SHISA4: variants seen among roughly 807,000 people sequenced by gnomAD.
SHISA4 encodes shisa family member 4.
Under a neutral mutation model 24.2 loss-of-function variants are expected in SHISA4, and 16 were observed. The observed-to-expected ratio is 0.66, with a 90% CI of 0.45 to 1.00. SHISA4 has a LOEUF of 1.00. Among genes scored for constraint, SHISA4 ranks in the 50% least tolerant of loss-of-function variants. The pLI is 0.00. For missense variants in SHISA4, 238 were observed against 258.9 expected, an observed-to-expected ratio of 0.92 and a Z score of 0.55; for synonymous variants, 106 against 105.4, an observed-to-expected ratio of 1.01 and a Z score of -0.04.
chr1:201,891,601 C>T (rs1379714841), intron 4 of SHISA4, 33 bp downstream of exon 4: 2 of 1,586,682 alleles, frequency 1.3e-6, no homozygotes, highest in Admixed American at 1.7e-5. Context: ...CTTGCTGCTG[C>T]CTTCCCCCAC....
rs766109942 is a variant in SHISA4 at position 201,891,464 on chromosome 1, A to C, written c.443A>C (p.Lys148Thr). ...GTATACCCATACCCCCAGGACCCCA[A>C]AGCTGGCCCTGCACCCCCACAGCCT... ...QPVYPYPQDP[K>T]AGPAPPQPGF... Residue 148 changes from lysine to threonine, a missense_variant, in exon 4 of 5, where the codon AAA becomes ACA. By Grantham distance (78) the Lys-to-Thr change is moderately conservative. Coordinates refer to ENST00000362011, the MANE Select transcript of SHISA4 (RefSeq NM_198149.3). 8.7e-6 allele frequency: 14 copies of C among 1,613,570 alleles called. No individual in the cohort carries two copies. The East Asian group carries it at 3.1e-4, about 36-fold the overall frequency.
intron 2 of SHISA4, among the ~76,000 whole-genome samples, chr1:201,890,116 A>G (rs1196930723): frequency 6.6e-6 from 1 of 152,170 alleles, no homozygotes; most frequent in African/African-American, 2.4e-5. Flanking sequence ...GAGACTTCTG[A>G]TTGAAGCGGG....
chr1:201,889,682 C>T (rs1681056482), intron 2 of SHISA4, 66 bp downstream of exon 2: 11 of 1,559,358 alleles, frequency 7.1e-6, no homozygotes, highest in Non-Finnish European at 9.7e-6. Context: ...TCCTCTTCCT[C>T]CCTCCCGGAC....
At chr1:201,891,670 T>A in intron 4 of SHISA4, 102 bp downstream of exon 4, 2 of 1,534,592 alleles carry the variant, frequency 1.3e-6, no homozygotes, top group Non-Finnish European at 9.0e-7. Flanking sequence ...CTCCCAGACT[T>A]CCTCCACCTC....
At chr1:201,888,709 C>T (rs1011160406), upstream of SHISA4, 1 of 334,226 alleles carries the variant, frequency 3.0e-6, no homozygotes, top group East Asian at 4.5e-5. Flanking sequence ...TGGGAGGAAC[C>T]ACCGCGGAGC....
upstream of SHISA4, chr1:201,888,790 C>A: frequency 5.3e-6 from 2 of 378,176 alleles, no homozygotes; most frequent in Non-Finnish European, 9.4e-6. Context: ...AGGTGGGCGT[C>A]GCTGGTGGGT....
intron 2 of SHISA4, among the ~76,000 whole-genome samples, chr1:201,889,968 G>T (rs1379692469): frequency 6.6e-6 from 1 of 152,184 alleles, no homozygotes; most frequent in Non-Finnish European, 1.5e-5. Flanking sequence ...AAAGGCAGGA[G>T]ACTTGGGTTT....
chr1:201,891,727 C>T, intron 4 of SHISA4, 73 bp from the exon 5 acceptor site: 1 of 1,587,326 alleles, frequency 6.3e-7, no homozygotes, highest in Non-Finnish European at 8.7e-7. Flanking sequence ...TCCTGTCTGC[C>T]CCGGGGGCAG....
chr1:201,889,322 A>T, intron 1 of SHISA4, 123 bp from the exon 2 acceptor site: 1 of 1,369,260 alleles, frequency 7.3e-7, no homozygotes. Flanking sequence ...CAGGGTGGAG[A>T]CAAGGGGCAA....
chr1:201,890,340 A>G lies in SHISA4; in HGVS notation c.246-114A>G, dbSNP rs569494572. ...GGGACTGGGCAGAGCCCCACAAGGAACCCCAAATCTCAGCATGCCATGGCC... is the reference window on the plus strand; with the variant it reads ...GGGACTGGGCAGAGCCCCACAAGGAGCCCCAAATCTCAGCATGCCATGGCC... On this transcript the variant is annotated intron_variant, in intron 2 of 4. Transcript: ENST00000362011. The G allele has an allele frequency of 3.1e-5, 43 of 1,397,868 alleles. 1 individual carries two copies. The South Asian group carries it at 5.8e-4, about 19-fold the overall frequency. The allele number at this position is 1,397,868 out of a possible 1,614,324, so 86.6% of individuals were successfully genotyped here.
chr1:201,889,690 G>T (rs1681056851), intron 2 of SHISA4, 74 bp downstream of exon 2: 2 of 1,540,292 alleles, frequency 1.3e-6, no homozygotes, highest in Non-Finnish European at 8.9e-7. Context: ...CTCCCTCCCG[G>T]ACTCCTGCCT....
Position 201,890,509 on chromosome 1 carries a change from G to A in SHISA4, c.301G>A (p.Ala101Thr), listed in dbSNP as rs199888602. The change falls in exon 3 of 5, where the codon GCC (alanine) becomes ACC (threonine). Residue 101 changes from alanine (A) to threonine (T), a missense_variant. By Grantham distance (58) the Ala-to-Thr change is moderately conservative. Transcript: ENST00000362011. ...SAVILFVAVVATTICCFLCSC... is the reference protein window; with the variant it reads ...SAVILFVAVVTTTICCFLCSC... ...TGTGATCCTCTTTGTTGCTGTGGTT[G>A]CCACCACCATCTGCTGCTTCCTCTG... 41 of 1,614,130 alleles carry A rather than the reference G, an allele frequency of 2.5e-5. No homozygotes were observed. Among genetic ancestry groups the A allele is most frequent in the Non-Finnish European group, 3.3e-5 (39 of 1,180,056 alleles).
At position 201,889,534 on chromosome 1, in the gene SHISA4, G is replaced by A. The variant is rs1681052998; in HGVS notation, c.163G>A (p.Gly55Arg). 2.5e-6 allele frequency: 4 copies of A among 1,613,880 alleles called. No homozygotes were observed. Among genetic ancestry groups the A allele is most frequent in the Non-Finnish European group, 3.4e-6 (4 of 1,180,022 alleles). Residue 55 changes from glycine (G) to arginine (R), a missense_variant, in exon 2 of 5, where the codon GGG becomes AGG. Coordinates refer to ENST00000362011, the MANE Select transcript of SHISA4 (RefSeq NM_198149.3). ...FNCEFFTFCC[G>R]TCYHRYCCRD... ...CTGCGAGTTCTTCACCTTCTGCTGC[G>A]GGACCTGCTACCATCGGTACTGCTG...
In SHISA4 at chr1:201,891,886, A is replaced by G; in HGVS notation, c.*40A>G. 2.5e-6 allele frequency: 4 copies of G among 1,609,780 alleles called. No homozygotes were observed. The highest frequency in any genetic ancestry group is 3.4e-6 in the Non-Finnish European group (4 of 1,176,286). Reference sequence around the variant, plus strand: ...CTCTGCTGCCCCTTCAGTGATGCCAACCTTGGGAGATGCCCTCATCCTGTA... The same window carrying G: ...CTCTGCTGCCCCTTCAGTGATGCCAGCCTTGGGAGATGCCCTCATCCTGTA... On this transcript the variant is annotated 3_prime_UTR_variant, in exon 5 of 5. Transcript: ENST00000362011.
Position 201,891,877 on chromosome 1 carries a change from G to A in SHISA4, c.*31G>A. The stretch of plus-strand genomic sequence containing the variant: ...CAGCCATGTCTCTGCTGCCCCTTCA[G>A]TGATGCCAACCTTGGGAGATGCCCT... On this transcript the variant is annotated 3_prime_UTR_variant, in exon 5 of 5. Transcript: ENST00000362011. 6.2e-7 allele frequency: 1 copy of A among 1,613,066 alleles called. No homozygotes were observed. Among genetic ancestry groups the A allele is most frequent in the African/African-American group, 1.3e-5 (1 of 74,990 alleles).
At position 201,890,580 on chromosome 1, in the gene SHISA4, A is replaced by G. The variant is rs552804734; in HGVS notation, c.372A>G (p.Pro124=). 4.6e-5 allele frequency: 74 copies of G among 1,614,164 alleles called. No individual in the cohort carries two copies. Among genetic ancestry groups the G allele is most frequent in the Non-Finnish European group, 5.9e-5 (70 of 1,180,030 alleles). The change falls in exon 3 of 5, where the codon CCA becomes CCG. Residue 124 remains proline, a synonymous_variant. Transcript: ENST00000362011. ...LYRRRQQLQS[P]FEGQEIPMTG... Reference sequence around the variant, plus strand: ...GCCGGCGCCAGCAGCTCCAGAGCCCATTTGAAGGTACACCCAGTACTGGGC... The same window carrying G: ...GCCGGCGCCAGCAGCTCCAGAGCCCGTTTGAAGGTACACCCAGTACTGGGC...
rs1275802950 is a variant in SHISA4, at chr1:201,891,554, T to A, written c.533T>A (p.Val178Asp). Reference protein sequence around the residue: ...QYPLYPAGPPVYNPAAPPPYM... With the variant: ...QYPLYPAGPPDYNPAAPPPYM... The stretch of plus-strand genomic sequence containing the variant: ...CCACTCTACCCAGCTGGGCCCCCAG[T>A]CTACAACCCTGCAGGTAAGTAAGCA... The change falls in exon 4 of 5, where the codon GTC (valine) becomes GAC (aspartate). Residue 178 changes from valine (V) to aspartate (D), a missense_variant. Physicochemically the swap from Val to Asp is radical, Grantham distance 152. Coordinates refer to ENST00000362011, the MANE Select transcript of SHISA4 (RefSeq NM_198149.3). The A allele has an allele frequency of 6.2e-7, 1 of 1,611,058 alleles. No homozygotes were observed. Among genetic ancestry groups the A allele is most frequent in the East Asian group, 2.2e-5 (1 of 44,848 alleles).
rs1181400553 is a variant in SHISA4, at chr1:201,891,453, C to T, written c.432C>T (p.Pro144=). The T allele has an allele frequency of 3.1e-6, 5 of 1,613,944 alleles. No homozygotes were observed. Among genetic ancestry groups the T allele is most frequent in the Admixed American group, 1.7e-5 (1 of 59,994 alleles). Residue 144 remains proline, a synonymous_variant, in exon 4 of 5, where the codon CCC becomes CCT. Transcript: ENST00000362011. ...CAGTGCAGCCAGTATACCCATACCC[C>T]CAGGACCCCAAAGCTGGCCCTGCAC... is the stretch of plus-strand genomic sequence containing the variant. ...GIPVQPVYPY[P]QDPKAGPAPP... is the part of the protein sequence containing the mutation.
chr1:201,889,072 GGGGATGGGGAGAGATGCGGCAGGAGT>G lies in SHISA4; in HGVS notation c.73+15_73+40del. 1.9e-5 allele frequency: 26 copies of G among 1,404,292 alleles called. No individual in the cohort carries two copies. The highest frequency in any genetic ancestry group is 2.3e-5 in the Non-Finnish European group (25 of 1,076,356). 87.0% of individuals were successfully genotyped at this position (1,404,292 alleles called of 1,614,324 possible). The stretch of plus-strand genomic sequence containing the variant: ...TGGTGCTGGGGGCTCCCCTGGGTAA[GGGGATGGGGAGAGATGCGGCAGGAGT>G]GGGATGGGGGCGGAGGAAGGGGAGG... On this transcript the variant is annotated splice_donor_region_variant and intron_variant, in intron 1 of 4. Coordinates refer to ENST00000362011, the MANE Select transcript of SHISA4 (RefSeq NM_198149.3).
Sources: gnomAD v4.1 joint callset for allele counts (sites outside exome capture counted in the v4.1 genomes callset) on GRCh38, gnomAD v4.1.1 for gene constraint, MANE v1.5 for transcripts, NCBI Gene and HGNC (gene_info 2026-07-23, HGNC 2026-07-21) for gene names.